The following INSYN2A variants were observed in gnomAD, a reference collection of about 807,000 sequenced individuals.
INSYN2A encodes inhibitory synaptic factor 2A.
INSYN2A carries 17 observed loss-of-function variants against 39.4 expected under a neutral mutation model. The observed-to-expected ratio is 0.43, with a 90% CI of 0.30 to 0.65. The LOEUF is 0.65. Ranked by LOEUF, INSYN2A falls within the 30% of genes least tolerant of loss-of-function variation. INSYN2A has a pLI of 0.14. For synonymous variants in INSYN2A, 255 were observed against 265.7 expected, an observed-to-expected ratio of 0.96 and a Z score of 0.39; for missense variants, 595 against 631.2, an observed-to-expected ratio of 0.94 and a Z score of 0.61.
At position 127,153,751 on chromosome 10, in the gene INSYN2A, T is replaced by G. The variant is rs533085220; in HGVS notation, c.1256+101A>C. ...GTAAGGTCCTTCACTTTTTGTCTGA[T>G]AGAATCATCCCAGCATGGCCCCAGA... On this transcript the variant is annotated intron_variant, in intron 5 of 5. Transcript: ENST00000522781. The G allele has an allele frequency of 5.0e-5, 45 of 904,856 alleles. 1 individual carries two copies. The Middle Eastern group carries it at 1.2e-3, about 24-fold the overall frequency. 56.1% of individuals were successfully genotyped at this position (904,856 alleles called of 1,614,324 possible).
In INSYN2A at chr10:127,175,937, A is replaced by G. The variant is rs201298990; in HGVS notation, c.459T>C (p.Ala153=). 9 of 1,614,094 alleles carry G rather than the reference A, an allele frequency of 5.6e-6. No individual in the cohort carries two copies. The highest frequency in any genetic ancestry group is 1.7e-5 in the Admixed American group (1 of 60,010). ...FLTDAKEKNE[A]GPMEEARPCG... is the part of the protein sequence containing the mutation. ...ATGGCCGGGCCTCCTCCATGGGTCC[A>G]GCCTCGTTCTTCTCTTTCGCATCTG... Residue 153 remains alanine, a synonymous_variant, in exon 4 of 6, where the codon GCT becomes GCC. Transcript: ENST00000522781. This position sits in a 1 kb window ranked among gnomAD's most constrained non-coding sequence, Gnocchi z 6.3.
chr10:127,155,096 G>T (rs1326635970), intron 4 of INSYN2A, among the ~76,000 whole-genome samples: 2 of 152,178 alleles, frequency 1.3e-5, no homozygotes, highest in Non-Finnish European at 2.9e-5. Context: ...CACTCTGGGG[G>T]CAAATTTCCA....
chr10:127,174,086 C>T (rs147795881), intron 4 of INSYN2A, among the ~76,000 whole-genome samples: 6 of 152,334 alleles, frequency 3.9e-5, no homozygotes, highest in Non-Finnish European at 8.8e-5. Flanking sequence ...CTGTCTAACT[C>T]AGCCACAGCA....
intron 2 of INSYN2A, among the ~76,000 whole-genome samples, chr10:127,179,532 TTC>T (rs1471228075): frequency 6.6e-6 from 1 of 152,214 alleles, no homozygotes; most frequent in African/African-American, 2.4e-5. Context: ...TATGAGTTCT[TTC>T]TGACGGCTGG....
intron 4 of INSYN2A, among the ~76,000 whole-genome samples, chr10:127,168,892 C>T (rs2054315621): frequency 6.6e-6 from 1 of 152,186 alleles, no homozygotes; most frequent in African/African-American, 2.4e-5. Flanking sequence ...TATGCTTCCT[C>T]TGTAATTGTG....
At chr10:127,160,763 A>G (rs947033637) in intron 4 of INSYN2A, among the ~76,000 whole-genome samples, 2 of 152,178 alleles carry the variant, frequency 1.3e-5, no homozygotes, top group East Asian at 1.9e-4. Context: ...TCTGCTCTCA[A>G]AGAAAATGTT....
At position 127,190,674 on chromosome 10, in the gene INSYN2A, C is replaced by A. The variant is rs146691132; in HGVS notation, c.-269+1931G>T. 3.2e-3 allele frequency among the ~76,000 whole-genome samples: 68 copies of A among 21,476 alleles called. 15 individuals carry two copies. The highest frequency in any genetic ancestry group is 0.016 in the Admixed American group (41 of 2,578). The allele number at this position is 21,476 out of a possible 152,430, so 14.1% of individuals were successfully genotyped here. A position where few individuals can be genotyped will look rare whatever the true frequency, so the allele number is the denominator to read the frequency against. On this transcript the variant is annotated intron_variant, in intron 2 of 5. Transcript: ENST00000522781. ...AATAGAAATCCTATCTTCCCCCCCCCCCCCCCCCCGTTCCTGCTGGCTCCC... is the reference window on the plus strand; with the variant it reads ...AATAGAAATCCTATCTTCCCCCCCCACCCCCCCCCGTTCCTGCTGGCTCCC...
Position 127,143,742 on chromosome 10 carries a change from T to C in INSYN2A, c.1257-5722A>G, listed in dbSNP as rs186526496. Among the ~76,000 whole-genome samples, 66 of 152,314 alleles carry C rather than the reference T, an allele frequency of 4.3e-4. 1 individual carries two copies. In the East Asian group the frequency reaches 8.1e-3, roughly 19 times the overall value. The stretch of plus-strand genomic sequence containing the variant: ...CCCAGGCCTGGCTCTCCCCCTTGCA[T>C]GGGAGGTGAATTCAGGCAAGTCCTT... On this transcript the variant is annotated intron_variant, in intron 5 of 5. Coordinates refer to ENST00000522781, the MANE Select transcript of INSYN2A (RefSeq NM_001039762.3).
chr10:127,189,691 T>C (rs1397450613), intron 2 of INSYN2A, among the ~76,000 whole-genome samples: 1 of 152,174 alleles, frequency 6.6e-6, no homozygotes, highest in Non-Finnish European at 1.5e-5. Context: ...AAATACGGTT[T>C]GAAAGTGAAC....
chr10:127,148,357 G>A (rs755580489), intron 5 of INSYN2A, among the ~76,000 whole-genome samples: 15 of 152,290 alleles, frequency 9.8e-5, no homozygotes, highest in African/African-American at 3.1e-4. Flanking sequence ...ACCACTTGAC[G>A]AGAAGATTCT....
At position 127,195,254 on chromosome 10, in the gene INSYN2A, G is replaced by C. The variant is rs2057027800; in HGVS notation, c.-395+743C>G. ...CCAGGAGCTGCCCCGACCCCGGGCT[G>C]CCCGCGGGCTCCCTCCTCCCTCCTG... On this transcript the variant is annotated intron_variant, in intron 1 of 5. Transcript: ENST00000522781. Among the ~76,000 whole-genome samples, 3 of 152,134 alleles carry C rather than the reference G, an allele frequency of 2.0e-5. 1 individual carries two copies. Among genetic ancestry groups the C allele is most frequent in the African/African-American group, 7.2e-5 (3 of 41,436 alleles).
At chr10:127,189,308 G>A (rs189235080) in intron 2 of INSYN2A, among the ~76,000 whole-genome samples, 25 of 152,302 alleles carry the variant, frequency 1.6e-4, no homozygotes, top group Admixed American at 1.2e-3. Flanking sequence ...ATTACTAGGA[G>A]TGAGTTGGGG....
At chr10:127,188,767 G>A (rs971388132) in intron 2 of INSYN2A, among the ~76,000 whole-genome samples, 9 of 152,212 alleles carry the variant, frequency 5.9e-5, no homozygotes, top group African/African-American at 1.9e-4. Flanking sequence ...ATAACACTCA[G>A]CACAAGCTAG....
At chr10:127,195,971 A>AG (rs1202578778) in intron 1 of INSYN2A, 26 bp downstream of exon 1, 1 of 151,894 alleles carries the variant, frequency 6.6e-6, no homozygotes, top group South Asian at 2.1e-4. Context: ...GGGGCGCGGG[A>AG]GGAGGGCACG....
chr10:127,173,228 A>G (rs916872380), intron 4 of INSYN2A, among the ~76,000 whole-genome samples: 6 of 145,806 alleles, frequency 4.1e-5, no homozygotes, highest in African/African-American at 1.5e-4. Context: ...AGGTCACCCC[A>G]TGTCATTCCA....
At chr10:127,151,881 C>T (rs2052525017) in intron 5 of INSYN2A, among the ~76,000 whole-genome samples, 1 of 152,160 alleles carries the variant, frequency 6.6e-6, no homozygotes, top group African/African-American at 2.4e-5. Context: ...TCGAGTCATT[C>T]CTGAAAGGAC....
intron 5 of INSYN2A, among the ~76,000 whole-genome samples, chr10:127,149,159 A>G (rs1022856759): frequency 6.6e-6 from 1 of 152,128 alleles, no homozygotes; most frequent in Non-Finnish European, 1.5e-5. Flanking sequence ...TCCCTTGCAT[A>G]ATTGTAAAAA....
intron 5 of INSYN2A, among the ~76,000 whole-genome samples, chr10:127,140,157 A>G (rs2051086514): frequency 6.6e-6 from 1 of 152,244 alleles, no homozygotes; most frequent in Non-Finnish European, 1.5e-5. Flanking sequence ...GGCTAACAGT[A>G]CAATTTCGGC....
intron 4 of INSYN2A, among the ~76,000 whole-genome samples, chr10:127,165,031 C>G (rs1288451105): frequency 6.6e-6 from 1 of 152,192 alleles, no homozygotes; most frequent in Non-Finnish European, 1.5e-5. Flanking sequence ...ATTTTGGTGG[C>G]ACTGGCTATC....
Sources: gnomAD v4.1 joint callset for allele counts (sites outside exome capture counted in the v4.1 genomes callset) on GRCh38, gnomAD v4.1.1 for gene constraint, Gnocchi (gnomAD v3.1) non-coding constraint, MANE v1.5 for transcripts, NCBI Gene and HGNC (gene_info 2026-07-23, HGNC 2026-07-21) for gene names.